Variants in PHACTR1 observed in about 807,000 individuals in gnomAD.
The protein encoded by PHACTR1 is RPEL repeat containing 1.
In PHACTR1, 16 loss-of-function variants were observed where a neutral mutation model predicts 69.2. The ratio of observed to expected loss-of-function variants is 0.23; its 90% CI spans 0.16 to 0.35. PHACTR1 has a LOEUF of 0.35. Ranked by LOEUF, PHACTR1 falls within the 10% of genes least tolerant of loss-of-function variation. The probability of loss-of-function intolerance (pLI) is 1.00; values close to 1 mark genes in which losing one functional copy is unlikely to be tolerated. For missense variants in PHACTR1, 510 were observed against 734.7 expected, an observed-to-expected ratio of 0.69 and a Z score of 3.54; for synonymous variants, 312 against 284.5, an observed-to-expected ratio of 1.10 and a Z score of -0.97.
chr6:12,867,742 A>G (rs1023598958), intron 4 of PHACTR1, among the ~76,000 whole-genome samples: 2 of 152,196 alleles, frequency 1.3e-5, no homozygotes, highest in African/African-American at 4.8e-5. Context: ...ACTACATTGC[A>G]AGATGGTGAA....
chr6:12,790,684 A>T (rs1394253922), intron 4 of PHACTR1, among the ~76,000 whole-genome samples: 2 of 152,358 alleles, frequency 1.3e-5, no homozygotes, highest in Non-Finnish European at 2.9e-5. Context: ...GGATATTATT[A>T]GAAGTACATA....
chr6:13,286,355 G>C (rs1781698244), intron 14 of PHACTR1, 133 bp downstream of exon 14: 1 of 717,050 alleles, frequency 1.4e-6, no homozygotes, highest in East Asian at 3.0e-5. Flanking sequence ...AGGAAGGCAG[G>C]CATGCGGTTC....
At chr6:13,232,729 A>G (rs1483091943) in intron 10 of PHACTR1, among the ~76,000 whole-genome samples, 1 of 151,906 alleles carries the variant, frequency 6.6e-6, no homozygotes, top group South Asian at 2.1e-4. Flanking sequence ...CTCAGGTTAC[A>G]TAGAACGAGA....
intron 4 of PHACTR1, among the ~76,000 whole-genome samples, chr6:12,990,332 G>A (rs555771477): frequency 2.0e-5 from 3 of 152,270 alleles, no homozygotes; most frequent in African/African-American, 7.2e-5. Flanking sequence ...ACTCCCACCT[G>A]TGGTTGGCCT....
intron 5 of PHACTR1, among the ~76,000 whole-genome samples, chr6:13,094,189 T>G (rs1011021988): frequency 7.2e-5 from 11 of 152,164 alleles, no homozygotes; most frequent in African/African-American, 2.7e-4. Context: ...CCAGCTATTT[T>G]TTATTTTAGG....
At chr6:13,059,046 T>G (rs546956999) in intron 5 of PHACTR1, among the ~76,000 whole-genome samples, 1 of 152,210 alleles carries the variant, frequency 6.6e-6, no homozygotes, top group East Asian at 1.9e-4. Context: ...ACAAATGACT[T>G]AGTAATGGGT....
chr6:12,820,212 C>T (rs1374053856), intron 4 of PHACTR1, among the ~76,000 whole-genome samples: 5 of 152,092 alleles, frequency 3.3e-5, no homozygotes, highest in Non-Finnish European at 7.4e-5. Context: ...GATAGAGTCT[C>T]GCTCTGTTGC....
chr6:13,043,678 A>C (rs1339306776), intron 4 of PHACTR1, among the ~76,000 whole-genome samples: 1 of 152,252 alleles, frequency 6.6e-6, no homozygotes, highest in Non-Finnish European at 1.5e-5. Flanking sequence ...TATTTGGCTT[A>C]ACAGAAAGAG....
intron 4 of PHACTR1, among the ~76,000 whole-genome samples, chr6:12,860,511 C>T (rs1462721321): frequency 1.3e-5 from 2 of 152,078 alleles, no homozygotes; most frequent in African/African-American, 4.8e-5. Context: ...GGTATATACC[C>T]AGTAATGGAA....
At chr6:13,077,817 GA>G (rs1810762660) in intron 5 of PHACTR1, among the ~76,000 whole-genome samples, 1 of 152,174 alleles carries the variant, frequency 6.6e-6, no homozygotes, top group South Asian at 2.1e-4. Context: ...CCAAGAAATA[GA>G]GGCACAGAGG....
intron 4 of PHACTR1, among the ~76,000 whole-genome samples, chr6:12,946,513 A>G (rs1790688069): frequency 6.6e-6 from 1 of 152,198 alleles, no homozygotes; most frequent in African/African-American, 2.4e-5. Flanking sequence ...GAAAATTGCA[A>G]GTGGTGTAGA....
At chr6:12,826,972 T>TTA (rs1261430419) in intron 4 of PHACTR1, among the ~76,000 whole-genome samples, 1 of 152,190 alleles carries the variant, frequency 6.6e-6, no homozygotes, top group Non-Finnish European at 1.5e-5. Context: ...CAAATTTTAT[T>TTA]TATTCTGTGG....
chr6:12,915,527 A>AC lies in PHACTR1; in HGVS notation c.251-137838_251-137837insC, dbSNP rs540420406. 6.3e-4 allele frequency among the ~76,000 whole-genome samples: 95 copies of AC among 151,104 alleles called. 2 individuals carry two copies. In the East Asian group the frequency reaches 0.018, roughly 28 times the overall value. On this transcript the variant is annotated intron_variant, in intron 4 of 14. Coordinates refer to ENST00000332995, the MANE Select transcript of PHACTR1 (RefSeq NM_030948.6). ...CTCTCAAAAAAAAAAAAAAGAAAAA[A>AC]AAAAAAAACAGGAGGAGAAGTGCCC...
At chr6:12,827,370 T>C (rs1413634258) in intron 4 of PHACTR1, among the ~76,000 whole-genome samples, 1 of 152,220 alleles carries the variant, frequency 6.6e-6, no homozygotes, top group Non-Finnish European at 1.5e-5. Context: ...TAACATTACA[T>C]TTTATGTACC....
chr6:12,938,815 T>A (rs1219842808), intron 4 of PHACTR1, among the ~76,000 whole-genome samples: 1 of 151,006 alleles, frequency 6.6e-6, no homozygotes, highest in Non-Finnish European at 1.5e-5. Context: ...AGGATGAACT[T>A]TTTTTTTTGT....
chr6:13,285,164 A>T (rs1472880707), intron 13 of PHACTR1, among the ~76,000 whole-genome samples: 4 of 152,196 alleles, frequency 2.6e-5, no homozygotes, highest in African/African-American at 9.6e-5. Flanking sequence ...ACCCTCATAG[A>T]GTTCTGAGTA....
intron 5 of PHACTR1, among the ~76,000 whole-genome samples, chr6:13,097,738 T>C (rs1814509130): frequency 6.6e-6 from 1 of 152,152 alleles, no homozygotes; most frequent in South Asian, 2.1e-4. Flanking sequence ...GAATATTCAC[T>C]TTCCTTTTGT....
intron 10 of PHACTR1, among the ~76,000 whole-genome samples, chr6:13,260,051 C>A (rs1775699075): frequency 6.6e-6 from 1 of 152,206 alleles, no homozygotes; most frequent in Non-Finnish European, 1.5e-5. Flanking sequence ...ATGGGCACAA[C>A]TCCAGGGGCG....
intron 5 of PHACTR1, among the ~76,000 whole-genome samples, chr6:13,085,445 C>T (rs1006462037): frequency 6.6e-6 from 1 of 151,914 alleles, no homozygotes; most frequent in African/African-American, 2.4e-5. Flanking sequence ...TAGAAGAATG[C>T]TAATTTATGC....
Sources: gnomAD v4.1 joint callset for allele counts (sites outside exome capture counted in the v4.1 genomes callset) on GRCh38, gnomAD v4.1.1 for gene constraint, MANE v1.5 for transcripts, NCBI Gene and HGNC (gene_info 2026-07-23, HGNC 2026-07-21) for gene names.